Variants in PSIP1 observed in about 807,000 individuals in gnomAD.
PSIP1 encodes PC4 and SFRS1-interacting protein.
In PSIP1, 19 loss-of-function variants were observed where a neutral mutation model predicts 74.7. That is an observed-to-expected ratio of 0.25 (90% CI 0.18 to 0.37). The LOEUF is 0.37. Among genes scored for constraint, PSIP1 ranks in the 10% least tolerant of loss-of-function variants. The pLI, the probability that PSIP1 is intolerant of heterozygous loss-of-function variation, is 1.00. For synonymous variants in PSIP1, 222 were observed against 195.3 expected, an observed-to-expected ratio of 1.14 and a Z score of -1.14; for missense variants, 601 against 614.3, an observed-to-expected ratio of 0.98 and a Z score of 0.23.
At chr9:15,501,507 A>C (rs1373144541) in intron 3 of PSIP1, among the ~76,000 whole-genome samples, 1 of 152,162 alleles carries the variant, frequency 6.6e-6, no homozygotes, top group Non-Finnish European at 1.5e-5. Flanking sequence ...TTCCCCGCAA[A>C]GGGAAAACAA....
At chr9:15,508,250 G>C (rs1410246315) in intron 2 of PSIP1, among the ~76,000 whole-genome samples, 2 of 152,102 alleles carry the variant, frequency 1.3e-5, no homozygotes, top group South Asian at 4.1e-4. Context: ...TTTAAATATG[G>C]ACTCTAAACT....
At chr9:15,490,361 A>T (rs2036767966) in intron 3 of PSIP1, among the ~76,000 whole-genome samples, 1 of 152,202 alleles carries the variant, frequency 6.6e-6, no homozygotes, top group Non-Finnish European at 1.5e-5. Context: ...ATGTGAATGT[A>T]CTTAACACTG....
chr9:15,503,890 G>A (rs2037458404), intron 3 of PSIP1, among the ~76,000 whole-genome samples: 1 of 152,076 alleles, frequency 6.6e-6, no homozygotes, highest in African/African-American at 2.4e-5. Flanking sequence ...GAGACTACAG[G>A]TGCACACTAC....
chr9:15,476,166 A>AGCCTAC (rs1157522685), intron 8 of PSIP1, among the ~76,000 whole-genome samples: 2 of 152,196 alleles, frequency 1.3e-5, no homozygotes, highest in African/African-American at 4.8e-5. Flanking sequence ...GCTCACACTC[A>AGCCTAC]GCCTACGCAC....
At chr9:15,473,927 CAAAAAAAAAACAAAGA>C in intron 9 of PSIP1, 66 bp downstream of exon 9, 2 of 514,486 alleles carry the variant, frequency 3.9e-6, no homozygotes, top group Non-Finnish European at 5.4e-6. Context: ...AAAAAAAAAA[CAAAAAAAAAACAAAGA>C]AAAAACAAAA....
intron 3 of PSIP1, among the ~76,000 whole-genome samples, chr9:15,493,591 A>C (rs550544105): frequency 3.3e-5 from 5 of 152,338 alleles, no homozygotes; most frequent in African/African-American, 1.2e-4. Context: ...AATACCCAAG[A>C]CTGGATAGTT....
chr9:15,488,945 C>T (rs1159154073), intron 4 of PSIP1, among the ~76,000 whole-genome samples: 4 of 152,120 alleles, frequency 2.6e-5, no homozygotes, highest in Non-Finnish European at 5.9e-5. Flanking sequence ...GGTGTGAACC[C>T]GGGAGGCGGA....
intron 3 of PSIP1, among the ~76,000 whole-genome samples, chr9:15,504,018 T>C (rs1031115367): frequency 6.6e-6 from 1 of 152,100 alleles, no homozygotes; most frequent in Non-Finnish European, 1.5e-5. Flanking sequence ...GTGCTGGGAT[T>C]ACACGCGTAA....
At chr9:15,503,257 G>C (rs544380815) in intron 3 of PSIP1, among the ~76,000 whole-genome samples, 1 of 152,034 alleles carries the variant, frequency 6.6e-6, no homozygotes, top group South Asian at 2.1e-4. Flanking sequence ...ATCCTGACTA[G>C]TTGGGAGGCT....
chr9:15,469,865 C>T, intron 11 of PSIP1, 73 bp downstream of exon 11: 1 of 1,294,040 alleles, frequency 7.7e-7, no homozygotes, highest in South Asian at 1.3e-5. Context: ...AAAACCAATA[C>T]ATGAAAAGTT....
intron 4 of PSIP1, chr9:15,489,382 T>C (rs2036718021): frequency 6.6e-6 from 1 of 151,806 alleles, no homozygotes; most frequent in Non-Finnish European, 1.5e-5. Context: ...CTGAGGTGGG[T>C]GGATCACCTG....
chr9:15,466,214 C>G (rs1438474750), intron 15 of PSIP1, among the ~76,000 whole-genome samples: 1 of 152,156 alleles, frequency 6.6e-6, no homozygotes, highest in Non-Finnish European at 1.5e-5. Context: ...CTCATCTCTA[C>G]TAAAAATACA....
intron 3 of PSIP1, among the ~76,000 whole-genome samples, chr9:15,503,603 A>G (rs368841355): frequency 1.1e-4 from 16 of 151,962 alleles, no homozygotes; most frequent in African/African-American, 3.6e-4. Flanking sequence ...TCAAGGATGC[A>G]GTCAACTATG....
At chr9:15,469,164 G>GT (rs2035741679) in intron 12 of PSIP1, 102 bp downstream of exon 12, 11 of 1,327,248 alleles carry the variant, frequency 8.3e-6, no homozygotes, top group Admixed American at 4.3e-5. Context: ...AAAATGACCA[G>GT]TAATTATCCC....
chr9:15,489,336 A>T (rs2036715790), intron 4 of PSIP1: 1 of 152,136 alleles, frequency 6.6e-6, no homozygotes, highest in East Asian at 1.9e-4. Flanking sequence ...GGCTGCGCGC[A>T]ATGGCTCTCA....
At chr9:15,497,629 C>G (rs1003191034) in intron 3 of PSIP1, among the ~76,000 whole-genome samples, 21 of 151,856 alleles carry the variant, frequency 1.4e-4, no homozygotes, top group Non-Finnish European at 2.5e-4. Flanking sequence ...CCGGCTGATT[C>G]CATTTATATG....
intron 2 of PSIP1, 107 bp from the exon 3 acceptor site, chr9:15,506,744 G>C (rs577260974): frequency 2.4e-6 from 2 of 822,228 alleles, no homozygotes; most frequent in Non-Finnish European, 3.7e-6. Flanking sequence ...TATAAAATGG[G>C]CCAGTTCTGC....
At chr9:15,505,669 A>G (rs1446696814) in intron 3 of PSIP1, 1 of 147,012 alleles carries the variant, frequency 6.8e-6, no homozygotes, top group Non-Finnish European at 1.5e-5. Context: ...AAAATCTACT[A>G]AATATACTAA....
chr9:15,490,209 C>CA, intron 3 of PSIP1, 85 bp from the exon 4 acceptor site: 1 of 1,238,354 alleles, frequency 8.1e-7, no homozygotes, highest in South Asian at 2.1e-5. Flanking sequence ...ACACAATTAT[C>CA]AAAAATACAG....
Sources: allele counts gnomAD v4.1 joint callset (sites outside exome capture counted in the v4.1 genomes callset), GRCh38; gene constraint gnomAD v4.1.1; transcripts MANE v1.5; gene names NCBI Gene and HGNC (gene_info 2026-07-23, HGNC 2026-07-21).